Variants in SCEL observed in about 807,000 individuals in gnomAD.
The protein encoded by SCEL is sciellin.
A neutral mutation model predicts 117.6 loss-of-function variants in SCEL; 113 were observed. That is an observed-to-expected ratio of 0.96 (90% CI 0.83 to 1.12). The LOEUF is 1.12. SCEL is among the 50% of genes most tolerant of loss of function. The probability of loss-of-function intolerance (pLI) is 0.00; values close to 1 mark genes in which losing one functional copy is unlikely to be tolerated. For missense variants in SCEL, 785 were observed against 810.8 expected, an observed-to-expected ratio of 0.97 and a Z score of 0.39; for synonymous variants, 270 against 256.2, an observed-to-expected ratio of 1.05 and a Z score of -0.51.
chr13:77,599,452 A>T, intron 14 of SCEL, 64 bp downstream of exon 14: 1 of 1,360,164 alleles, frequency 7.4e-7, no homozygotes, highest in South Asian at 1.2e-5. Context: ...ATTCCCTCAG[A>T]CATTAGCTGC....
intron 13 of SCEL, among the ~76,000 whole-genome samples, chr13:77,598,032 A>G (rs146610291): frequency 0.045 from 6,722 of 149,928 alleles, 259 homozygotes; most frequent in Admixed American, 0.082. Context: ...TGCAATCATA[A>G]CTCACTGCAG....
chr13:77,570,689 A>G (rs1158546074), intron 8 of SCEL, among the ~76,000 whole-genome samples: 2 of 152,080 alleles, frequency 1.3e-5, no homozygotes, highest in Non-Finnish European at 2.9e-5. Context: ...TTTCATCCAT[A>G]TCTTGATCTT....
At chr13:77,594,283 C>G (rs2087094228) in intron 12 of SCEL, among the ~76,000 whole-genome samples, 1 of 152,248 alleles carries the variant, frequency 6.6e-6, no homozygotes, top group Non-Finnish European at 1.5e-5. Context: ...ATTCAAAGCC[C>G]TTGCGAACCT....
chr13:77,613,292 C>T (rs1281255764), intron 23 of SCEL, among the ~76,000 whole-genome samples: 1 of 152,034 alleles, frequency 6.6e-6, no homozygotes, highest in East Asian at 1.9e-4. Context: ...TGTTCTCTCA[C>T]AAACACAGGG....
At chr13:77,555,716 G>A (rs2084616466) in intron 1 of SCEL, 141 bp from the exon 2 acceptor site, 2 of 563,626 alleles carry the variant, frequency 3.5e-6, no homozygotes, top group Non-Finnish European at 6.4e-6. Context: ...GTTCTTAGGG[G>A]CACTTTATGT....
At chr13:77,544,822 G>T (rs542825235) in intron 1 of SCEL, among the ~76,000 whole-genome samples, 1 of 152,326 alleles carries the variant, frequency 6.6e-6, no homozygotes, top group South Asian at 2.1e-4. Flanking sequence ...TACGAAAGTT[G>T]ATTGATTTCA....
At chr13:77,565,180 T>G (rs905750751) in intron 5 of SCEL, among the ~76,000 whole-genome samples, 1 of 152,222 alleles carries the variant, frequency 6.6e-6, no homozygotes, top group African/African-American at 2.4e-5. Context: ...GGAAATAGAC[T>G]AGACCTCACA....
chr13:77,578,509 T>TA (rs1267836627), intron 9 of SCEL, among the ~76,000 whole-genome samples: 1 of 152,072 alleles, frequency 6.6e-6, no homozygotes, highest in Non-Finnish European at 1.5e-5. Context: ...CAAATAACCA[T>TA]ACCATAAGAT....
intron 22 of SCEL, among the ~76,000 whole-genome samples, chr13:77,610,757 C>T (rs1320921285): frequency 6.6e-6 from 1 of 152,140 alleles, no homozygotes. Flanking sequence ...AATTCTTCCT[C>T]CTTCTTCTTC....
chr13:77,574,070 C>T (rs2085799088), intron 9 of SCEL, among the ~76,000 whole-genome samples: 1 of 152,142 alleles, frequency 6.6e-6, no homozygotes, highest in South Asian at 2.1e-4. Flanking sequence ...ATATTTATTA[C>T]TTATTTAAAA....
intron 5 of SCEL, among the ~76,000 whole-genome samples, chr13:77,564,713 G>A (rs1036492768): frequency 2.0e-5 from 3 of 152,118 alleles, no homozygotes; most frequent in Non-Finnish European, 4.4e-5. Flanking sequence ...GGCAAAAATG[G>A]CACCTACTGG....
intron 28 of SCEL, among the ~76,000 whole-genome samples, chr13:77,629,877 T>C (rs781737918): frequency 6.6e-6 from 1 of 152,164 alleles, no homozygotes; most frequent in Non-Finnish European, 1.5e-5. Context: ...ATTCTTAACC[T>C]CTTGAGCATG....
intron 1 of SCEL, among the ~76,000 whole-genome samples, chr13:77,542,967 C>G (rs556963958): frequency 6.6e-6 from 1 of 152,152 alleles, no homozygotes; most frequent in Non-Finnish European, 1.5e-5. Flanking sequence ...TGTTACCGCA[C>G]CCTGAAACCC....
At chr13:77,627,865 A>C (rs1285480785) in intron 27 of SCEL, 82 bp from the exon 28 acceptor site, 11 of 476,154 alleles carry the variant, frequency 2.3e-5, no homozygotes, top group Non-Finnish European at 4.0e-5. Flanking sequence ...AAGATTATGT[A>C]CTGATTTTAA....
intron 1 of SCEL, among the ~76,000 whole-genome samples, chr13:77,546,682 A>G (rs1364792615): frequency 6.7e-6 from 1 of 149,498 alleles, no homozygotes; most frequent in Non-Finnish European, 1.5e-5. Context: ...AACAACAACA[A>G]CAAAAAAAAA....
chr13:77,624,121 T>C (rs1467477739), intron 27 of SCEL, among the ~76,000 whole-genome samples: 1 of 132,122 alleles, frequency 7.6e-6, no homozygotes, highest in Non-Finnish European at 1.6e-5. Context: ...TTTTTTTTTT[T>C]TGAGATGGAG....
In SCEL at chr13:77,569,304, T is replaced by C. The variant is rs2085461967; in HGVS notation, c.399-67T>C. Reference sequence around the variant, plus strand: ...AGGAATATGAGTAGAATTTAAGACTTTTCAAAGGTAGGCTGAAATGAAAAA... The same window carrying C: ...AGGAATATGAGTAGAATTTAAGACTCTTCAAAGGTAGGCTGAAATGAAAAA... On this transcript the variant is annotated intron_variant, in intron 7 of 32. Transcript: ENST00000349847. The C allele has an allele frequency of 2.3e-6, 3 of 1,292,170 alleles. No individual in the cohort carries two copies. The Admixed American group carries it at 5.1e-5, about 22-fold the overall frequency. 80.0% of individuals were successfully genotyped at this position (1,292,170 alleles called of 1,614,324 possible).
intron 10 of SCEL, among the ~76,000 whole-genome samples, chr13:77,589,722 T>C (rs184416432): frequency 4.6e-4 from 70 of 152,306 alleles, no homozygotes; most frequent in African/African-American, 1.6e-3. Flanking sequence ...AGTAGTTCTT[T>C]AATCTTTTTT....
At chr13:77,593,257 G>GGGGTGTGT (rs2086982176) in intron 11 of SCEL, among the ~76,000 whole-genome samples, 1 of 101,844 alleles carries the variant, frequency 9.8e-6, no homozygotes, top group Non-Finnish European at 2.1e-5. Context: ...ATAACAGAGG[G>GGGGTGTGT]GAGTGTGTGT....
Sources: gnomAD v4.1 joint callset for allele counts (sites outside exome capture counted in the v4.1 genomes callset) on GRCh38, gnomAD v4.1.1 for gene constraint, MANE v1.5 for transcripts, NCBI Gene and HGNC (gene_info 2026-07-23, HGNC 2026-07-21) for gene names.